The following MCC variants were observed in gnomAD, a reference collection of about 807,000 sequenced individuals.
MCC encodes colorectal mutant cancer protein.
Under a neutral mutation model 116.2 loss-of-function variants are expected in MCC, and 90 were observed. That is an observed-to-expected ratio of 0.77 (90% CI 0.65 to 0.92). The LOEUF (loss-of-function observed/expected upper bound fraction) is 0.92. Among genes scored for constraint, MCC ranks in the 40% least tolerant of loss-of-function variants. MCC has a pLI of 0.00. For missense variants in MCC, 1,516 were observed against 1,312.2 expected, an observed-to-expected ratio of 1.16 and a Z score of -2.40; for synonymous variants, 578 against 510.5, an observed-to-expected ratio of 1.13 and a Z score of -1.78.
chr5:113,133,846 G>A (rs1758625322), intron 5 of MCC, among the ~76,000 whole-genome samples: 1 of 152,128 alleles, frequency 6.6e-6, no homozygotes, highest in Admixed American at 6.5e-5. Context: ...ATATCTCATT[G>A]TGATTTTGAA....
Position 113,053,926 on chromosome 5 carries a change from G to C in MCC, c.2247C>G (p.Thr749=), listed in dbSNP as rs753459174. 6.2e-7 allele frequency: 1 copy of C among 1,613,606 alleles called. No individual in the cohort carries two copies. The highest frequency in any genetic ancestry group is 8.5e-7 in the Non-Finnish European group (1 of 1,179,622). Residue 749 remains threonine (T), a synonymous_variant, in exon 15 of 19, where the codon ACC becomes ACG. Transcript: ENST00000408903. ...TCTGCTCGTCTTCTTTAGTGAACTCGGTGTCGCAACTACTGGCTGTGGAGC... is the reference window on the plus strand; with the variant it reads ...TCTGCTCGTCTTCTTTAGTGAACTCCGTGTCGCAACTACTGGCTGTGGAGC... ...TTSSTASSCD[T]EFTKEDEQRL...
Position 113,480,585 on chromosome 5 carries a change from C to T in MCC, c.170+7660G>A, listed in dbSNP as rs898600700. On this transcript the variant is annotated intron_variant, in intron 1 of 18. Coordinates refer to ENST00000408903, the MANE Select transcript of MCC (RefSeq NM_001085377.2). The stretch of plus-strand genomic sequence containing the variant: ...TTATTGTCTGAGAAACTTCCATCAA[C>T]GTCTTCCATTAAGATCAGGAGTGTC... Among the ~76,000 whole-genome samples the T allele has an allele frequency of 3.9e-5, 6 of 152,150 alleles. No individual in the cohort carries two copies. The East Asian group carries it at 1.2e-3, about 29-fold the overall frequency.
intron 2 of MCC, among the ~76,000 whole-genome samples, chr5:113,355,033 A>G (rs1768377818): frequency 1.3e-5 from 2 of 152,172 alleles, no homozygotes; most frequent in South Asian, 4.1e-4. Context: ...TCCAGCTTTT[A>G]TATTAATGAC....
At chr5:113,202,879 T>G (rs577052364) in intron 3 of MCC, among the ~76,000 whole-genome samples, 4 of 152,070 alleles carry the variant, frequency 2.6e-5, no homozygotes, top group Non-Finnish European at 5.9e-5. Context: ...CTTGACATAT[T>G]CTCAACCCTG....
chr5:113,349,226 A>C (rs568886779), intron 2 of MCC, among the ~76,000 whole-genome samples: 1 of 152,080 alleles, frequency 6.6e-6, no homozygotes, highest in Non-Finnish European at 1.5e-5. Flanking sequence ...CCGATACCAA[A>C]ACCAGAAAAA....
chr5:113,232,001 G>A (rs1156770045), intron 3 of MCC, among the ~76,000 whole-genome samples: 4 of 152,014 alleles, frequency 2.6e-5, no homozygotes, highest in Non-Finnish European at 5.9e-5. Context: ...CAACCTCCTG[G>A]TTTTATAATG....
At chr5:113,296,481 T>G (rs1766713396) in intron 3 of MCC, among the ~76,000 whole-genome samples, 1 of 152,114 alleles carries the variant, frequency 6.6e-6, no homozygotes, top group South Asian at 2.1e-4. Context: ...GCATGTGAGT[T>G]GACCTGTGAA....
chr5:113,332,429 G>T (rs1265668288), intron 3 of MCC, among the ~76,000 whole-genome samples: 1 of 151,356 alleles, frequency 6.6e-6, no homozygotes, highest in Non-Finnish European at 1.5e-5. Context: ...GATAGAAGAG[G>T]CCAGGGACAG....
intron 1 of MCC, among the ~76,000 whole-genome samples, chr5:113,481,739 AAAAAAAT>A (rs1201978255): frequency 3.9e-5 from 6 of 152,192 alleles, no homozygotes; most frequent in African/African-American, 7.2e-5. Flanking sequence ...ACTCCATCTC[AAAAAAAT>A]AAAAAATAAA....
chr5:113,236,912 T>C (rs1020517713), intron 3 of MCC, among the ~76,000 whole-genome samples: 1 of 152,178 alleles, frequency 6.6e-6, no homozygotes, highest in African/African-American at 2.4e-5. Flanking sequence ...ACTGAATTTA[T>C]CATGAAGTCT....
chr5:113,107,477 C>G (rs1036108033), intron 6 of MCC, among the ~76,000 whole-genome samples: 2 of 152,094 alleles, frequency 1.3e-5, no homozygotes, highest in Non-Finnish European at 2.9e-5. Context: ...TGTTGTGGAC[C>G]TCGACCTGAG....
chr5:113,145,193 C>T (rs993235372), intron 4 of MCC, among the ~76,000 whole-genome samples: 3 of 152,180 alleles, frequency 2.0e-5, no homozygotes, highest in East Asian at 1.9e-4. Flanking sequence ...GCCTCTGTTC[C>T]CAACCTCAGA....
At chr5:113,486,960 C>T (rs957010707) in intron 1 of MCC, among the ~76,000 whole-genome samples, 1 of 152,078 alleles carries the variant, frequency 6.6e-6, no homozygotes, top group Non-Finnish European at 1.5e-5. Context: ...TTCTTTTACT[C>T]CCAGAACCAA....
chr5:113,361,911 A>C (rs1253269898), intron 2 of MCC, among the ~76,000 whole-genome samples: 2 of 152,178 alleles, frequency 1.3e-5, no homozygotes, highest in African/African-American at 4.8e-5. Flanking sequence ...ACTTGGACTG[A>C]GAGTTACACC....
chr5:113,273,257 T>C (rs1765681884), intron 3 of MCC, among the ~76,000 whole-genome samples: 1 of 152,208 alleles, frequency 6.6e-6, no homozygotes, highest in Non-Finnish European at 1.5e-5. Context: ...GCCATGAGTA[T>C]GTGTCCTTTC....
chr5:113,043,681 C>T (rs1751881363), intron 16 of MCC, 51 bp from the exon 17 acceptor site: 1 of 1,370,872 alleles, frequency 7.3e-7, no homozygotes, highest in East Asian at 2.3e-5. Flanking sequence ...GCCGGCAGCA[C>T]CCTGGAAGCC....
intron 2 of MCC, among the ~76,000 whole-genome samples, chr5:113,364,261 C>CAAA (rs1561538962): frequency 8.8e-5 from 7 of 79,790 alleles, no homozygotes; most frequent in African/African-American, 1.2e-4. Context: ...AAAAAAAAAA[C>CAAA]CAGAAAAAAA....
At chr5:113,437,037 G>T (rs2150413969) in intron 1 of MCC, 1 of 151,696 alleles carries the variant, frequency 6.6e-6, no homozygotes, top group East Asian at 1.9e-4. Flanking sequence ...GATCTTCTGG[G>T]GCTGTCCTGG....
At chr5:113,456,570 C>A (rs1771553132) in intron 1 of MCC, among the ~76,000 whole-genome samples, 1 of 150,768 alleles carries the variant, frequency 6.6e-6, no homozygotes, top group African/African-American at 2.4e-5. Flanking sequence ...CATTCTCCTG[C>A]CTCAGCCTCT....
Sources: allele counts gnomAD v4.1 joint callset (sites outside exome capture counted in the v4.1 genomes callset), GRCh38; gene constraint gnomAD v4.1.1; transcripts MANE v1.5; gene names NCBI Gene and HGNC (gene_info 2026-07-23, HGNC 2026-07-21).